The following NUB1 variants were observed in gnomAD, a reference collection of about 807,000 sequenced individuals.
NUB1 encodes the protein negative regulator of ubiquitin like proteins 1.
NUB1 carries 41 observed loss-of-function variants against 77.1 expected under a neutral mutation model. The observed-to-expected ratio is 0.53, with a 90% CI of 0.41 to 0.69. NUB1 has a LOEUF of 0.69. Ranked by LOEUF, NUB1 falls within the 30% of genes least tolerant of loss-of-function variation. The pLI is 0.00. For synonymous variants in NUB1, 257 were observed against 281.0 expected (o/e 0.91, Z 0.85); for missense variants, 643 against 743.8 (o/e 0.86, Z 1.58).
chr7:151,367,966 A>G lies in NUB1; in HGVS notation c.1093A>G (p.Lys365Glu), dbSNP rs767478410. ...TGTAGAGGCTTATGAGTATCTTAAC[A>G]AGGTAAGAAAAGTAAAGTTGTAACC... ...NDVEAYEYLN[K>E]ARQLFKELYI... The change falls in exon 10 of 15, where the codon AAG (lysine) becomes GAG (glutamate). Residue 365 changes from lysine to glutamate, a missense_variant and splice_region_variant. Transcript: ENST00000568733. 1.3e-6 allele frequency: 2 copies of G among 1,532,968 alleles called. No homozygotes were observed. The highest frequency in any genetic ancestry group is 1.2e-5 in the South Asian group (1 of 81,650). 95.0% of individuals were successfully genotyped at this position (1,532,968 alleles called of 1,614,324 possible).
chr7:151,348,964 G>A, intron 2 of NUB1, 109 bp from the exon 3 acceptor site: 1 of 926,466 alleles, frequency 1.1e-6, no homozygotes, highest in Non-Finnish European at 1.7e-6. Flanking sequence ...GTGTAACGGG[G>A]CGACCTCCAC....
chr7:151,345,365 T>A lies in NUB1; in HGVS notation c.16T>A (p.Tyr6Asn). 1 of 1,610,920 alleles carries A rather than the reference T, an allele frequency of 6.2e-7. No homozygotes were observed. The highest frequency in any genetic ancestry group is 8.5e-7 in the Non-Finnish European group (1 of 1,177,814). The change falls in exon 2 of 15, where the codon TAT (tyrosine) becomes AAT (asparagine). Residue 6 changes from tyrosine to asparagine, a missense_variant. Tyr to Asn is a moderately radical substitution (Grantham distance 143). Transcript: ENST00000568733. ...GCTTTCAGGGATGGCACAAAAGAAA[T>A]ATCTTCAAGCAAAATTGACCCAGTT... MAQKKYLQAKLTQFLR... is the reference protein window; with the variant it reads MAQKKNLQAKLTQFLR...
Position 151,349,269 on chromosome 7 carries a change from C to T in NUB1, c.285+29C>T, listed in dbSNP as rs777033050. On this transcript the variant is annotated intron_variant, in intron 3 of 14. Transcript: ENST00000568733. Reference sequence around the variant, plus strand: ...AGTAATTTCCCTAAATTTGAGTAGGCACTAATGTCCAGTTAGTGATGAGGT... The same window carrying T: ...AGTAATTTCCCTAAATTTGAGTAGGTACTAATGTCCAGTTAGTGATGAGGT... The T allele has an allele frequency of 6.4e-7, 1 of 1,557,410 alleles. No homozygotes were observed. Among genetic ancestry groups the T allele is most frequent in the Non-Finnish European group, 8.8e-7 (1 of 1,140,318 alleles).
At chr7:151,351,941 G>A (rs557532146) in intron 4 of NUB1, among the ~76,000 whole-genome samples, 1 of 89,018 alleles carries the variant, frequency 1.1e-5, no homozygotes, top group Admixed American at 1.2e-4. Flanking sequence ...ACACACGTTT[G>A]CCACATACTA....
At chr7:151,353,298 A>G (rs1796903565) in intron 5 of NUB1, among the ~76,000 whole-genome samples, 1 of 152,156 alleles carries the variant, frequency 6.6e-6, no homozygotes, top group Non-Finnish European at 1.5e-5. Flanking sequence ...AGGAAGGTCC[A>G]GTGTGGCTGT....
At chr7:151,357,522 A>G (rs937461740) in intron 7 of NUB1, among the ~76,000 whole-genome samples, 5 of 152,222 alleles carry the variant, frequency 3.3e-5, no homozygotes, top group African/African-American at 4.8e-5. Context: ...CTATGGGTCA[A>G]ATTAATTTTA....
Position 151,376,770 on chromosome 7 carries a change from A to T in NUB1, c.1628A>T (p.Asp543Val). The T allele has an allele frequency of 1.9e-6, 3 of 1,591,756 alleles. No individual in the cohort carries two copies. Among genetic ancestry groups the T allele is most frequent in the Non-Finnish European group, 2.6e-6 (3 of 1,170,632 alleles). Residue 543 changes from aspartate to valine, a missense_variant, in exon 14 of 15, where the codon GAC (aspartate) becomes GTC (valine). Coordinates refer to ENST00000568733, the MANE Select transcript of NUB1 (RefSeq NM_001243351.2). ...LPPELPLSPE[D>V]SLSPPATSPS... ...CCCGAGCTGCCGCTGTCGCCAGAAG[A>T]CTCTTTGTCCCCGCCAGCCACGTCC... is the stretch of plus-strand genomic sequence containing the variant.
At chr7:151,348,641 T>G (rs1796630257) in intron 2 of NUB1, among the ~76,000 whole-genome samples, 1 of 127,394 alleles carries the variant, frequency 7.8e-6, no homozygotes, top group African/African-American at 2.9e-5. Context: ...AGTGGCACAA[T>G]CTTGGCTCAC....
chr7:151,374,625 G>A (rs112489136), intron 12 of NUB1: 24 of 274,386 alleles, frequency 8.7e-5, no homozygotes, highest in African/African-American at 4.2e-4. Context: ...TTAAATGTAA[G>A]TATCTAGTTT....
intron 3 of NUB1, among the ~76,000 whole-genome samples, chr7:151,350,280 C>G (rs929143192): frequency 6.6e-6 from 1 of 152,254 alleles, no homozygotes; most frequent in African/African-American, 2.4e-5. Context: ...GCGGGCCTGA[C>G]TAATGTCAGG....
intron 11 of NUB1, among the ~76,000 whole-genome samples, chr7:151,370,421 A>G (rs929435837): frequency 2.0e-5 from 3 of 152,184 alleles, no homozygotes; most frequent in African/African-American, 7.2e-5. Flanking sequence ...TGAGTTTTAC[A>G]TGGTCTAATT....
rs1321802929 is a variant in NUB1 at position 151,368,824 on chromosome 7, T to C, written c.1185T>C (p.Leu395=). The change falls in exon 11 of 15, where the codon CTT becomes CTC. Residue 395 remains leucine, a synonymous_variant. Coordinates refer to ENST00000568733, the MANE Select transcript of NUB1 (RefSeq NM_001243351.2). ...GGTTTACTGCCCAGGAAGCCCGGCT[T>C]GGCCTGAGGGCGTGTGATGGGAACG... ...QLGFTAQEAR[L]GLRACDGNVD... The C allele has an allele frequency of 6.2e-7, 1 of 1,613,942 alleles. No individual in the cohort carries two copies. Among genetic ancestry groups the C allele is most frequent in the Non-Finnish European group, 8.5e-7 (1 of 1,179,898 alleles).
At chr7:151,374,386 G>A in intron 12 of NUB1, 143 bp downstream of exon 12, 1 of 1,125,358 alleles carries the variant, frequency 8.9e-7, no homozygotes, top group Admixed American at 2.0e-5. Flanking sequence ...GTTTCTCCTG[G>A]GCTCCAGCCC....
intron 2 of NUB1, among the ~76,000 whole-genome samples, chr7:151,345,928 T>C (rs1159413775): frequency 6.6e-6 from 1 of 152,248 alleles, no homozygotes; most frequent in African/African-American, 2.4e-5. Flanking sequence ...CTAACAGTTG[T>C]ATCTCAGTTT....
chr7:151,352,311 C>T, intron 4 of NUB1: 1 of 354,916 alleles, frequency 2.8e-6, no homozygotes, highest in Non-Finnish European at 5.7e-6. Flanking sequence ...TAAAAAGGAC[C>T]TTGTCTCCTA....
chr7:151,345,429 A>T lies in NUB1; in HGVS notation c.80A>T (p.Tyr27Phe). Residue 27 changes from tyrosine (Y) to phenylalanine (F), a missense_variant, in exon 2 of 15, where the codon TAT becomes TTT. Transcript: ENST00000568733. The part of the protein sequence containing the change: ...EDRIQLWKPP[Y>F]TDENKKVGLA... The stretch of plus-strand genomic sequence containing the variant: ...AGGATTCAACTTTGGAAACCTCCAT[A>T]TACAGATGAAAATAAAAAAGTTGGT... 1 of 1,607,280 alleles carries T rather than the reference A, an allele frequency of 6.2e-7. No individual in the cohort carries two copies. Among genetic ancestry groups the T allele is most frequent in the Non-Finnish European group, 8.5e-7 (1 of 1,177,438 alleles).
rs369047105 is a variant in NUB1, at chr7:151,377,137, T to G, written c.1760T>G (p.Leu587Arg). The change falls in exon 15 of 15, where the codon CTT (leucine) becomes CGT (arginine). Residue 587 changes from leucine to arginine, a missense_variant. Transcript: ENST00000568733. ...EDIPEHEEDY[L>R]DSTLEDEEII... ...ATTCCAGAGCATGAGGAAGACTATC[T>G]TGACTCAACTCTGGAAGATGAAGAA... is the stretch of plus-strand genomic sequence containing the variant. 248 of 1,589,264 alleles carry G rather than the reference T, an allele frequency of 1.6e-4. No homozygotes were observed. The highest frequency in any genetic ancestry group is 2.0e-4 in the Non-Finnish European group (232 of 1,166,738).
rs527324016 is a variant in NUB1 at position 151,354,249 on chromosome 7, A to G, written c.415+1367A>G. On this transcript the variant is annotated intron_variant, in intron 5 of 14. Transcript: ENST00000568733. Reference sequence around the variant, plus strand: ...TGTTCCTATATTTTCTGTTCTTCCTACTCACCTGTGGTGTTTTTTATTACT... The same window carrying G: ...TGTTCCTATATTTTCTGTTCTTCCTGCTCACCTGTGGTGTTTTTTATTACT... Among the ~76,000 whole-genome samples, 23 of 145,586 alleles carry G rather than the reference A, an allele frequency of 1.6e-4. No individual in the cohort carries two copies. The East Asian group carries it at 4.2e-3, about 27-fold the overall frequency.
chr7:151,374,024 T>TGCAGA, intron 11 of NUB1, 73 bp from the exon 12 acceptor site: 1 of 1,460,384 alleles, frequency 6.8e-7, no homozygotes, highest in East Asian at 2.5e-5. Flanking sequence ...CGGAGAATCC[T>TGCAGA]GCAGAGCGCA....
Sources: gnomAD v4.1 joint callset for allele counts (sites outside exome capture counted in the v4.1 genomes callset) on GRCh38, gnomAD v4.1.1 for gene constraint, MANE v1.5 for transcripts, NCBI Gene and HGNC (gene_info 2026-07-23, HGNC 2026-07-21) for gene names.